CNTLN: variants seen among roughly 807,000 people sequenced by gnomAD.
CNTLN encodes the protein centlein, centrosomal protein.
Under a neutral mutation model 180.0 loss-of-function variants are expected in CNTLN, and 212 were observed. The observed-to-expected ratio is 1.18, with a 90% CI of 1.05 to 1.32. CNTLN has a LOEUF of 1.32. Ranked by LOEUF, CNTLN falls within the 40% of genes most tolerant of loss-of-function variation. CNTLN has a pLI of 0.00. For missense variants in CNTLN, 2,095 were observed against 1,610.9 expected (o/e 1.30, Z -5.14); for synonymous variants, 722 against 563.1 (o/e 1.28, Z -3.99).
intron 18 of CNTLN, among the ~76,000 whole-genome samples, chr9:17,456,514 G>A (rs1311411853): frequency 6.6e-6 from 1 of 151,846 alleles, no homozygotes; most frequent in Non-Finnish European, 1.5e-5. Flanking sequence ...TATAATTATG[G>A]TATAGTTTCT....
At chr9:17,517,579 G>T in the CNTLN span, among the ~76,000 whole-genome samples, 12 of 152,006 alleles carry the variant, frequency 7.9e-5, no homozygotes, top group Admixed American at 3.3e-4. Context: ...GAGGGAAGAG[G>T]ACCATGTGCA....
chr9:17,498,426 A>G (rs1833572399), intron 25 of CNTLN, among the ~76,000 whole-genome samples: 1 of 152,146 alleles, frequency 6.6e-6, no homozygotes, highest in Admixed American at 6.6e-5. Flanking sequence ...TTCTGTAGGT[A>G]TTTATATGTC....
chr9:17,526,787 T>C, the CNTLN span, among the ~76,000 whole-genome samples: 1 of 152,164 alleles, frequency 6.6e-6, no homozygotes, highest in Non-Finnish European at 1.5e-5. Context: ...ATAATGATTA[T>C]CATGCTTTAC....
chr9:17,234,695 C>G (rs1224386184), intron 3 of CNTLN, among the ~76,000 whole-genome samples: 1 of 151,966 alleles, frequency 6.6e-6, no homozygotes, highest in Non-Finnish European at 1.5e-5. Context: ...AAAGGTGTTT[C>G]TATCTTGATG....
chr9:17,222,348 C>A (rs540867438), intron 2 of CNTLN, among the ~76,000 whole-genome samples: 2 of 151,958 alleles, frequency 1.3e-5, no homozygotes, highest in African/African-American at 4.8e-5. Flanking sequence ...TTAGGCTCTG[C>A]GTCTCCACCC....
chr9:17,345,086 T>C (rs1477285340), intron 12 of CNTLN, among the ~76,000 whole-genome samples: 1 of 152,214 alleles, frequency 6.6e-6, no homozygotes, highest in Non-Finnish European at 1.5e-5. Flanking sequence ...TGATATTCCA[T>C]TTTATGGATG....
At chr9:17,306,055 C>G (rs1030824879) in intron 7 of CNTLN, among the ~76,000 whole-genome samples, 1 of 151,904 alleles carries the variant, frequency 6.6e-6, no homozygotes, top group African/African-American at 2.4e-5. Flanking sequence ...CACATCAAGT[C>G]AGGGCAACTT....
At chr9:17,415,115 CAT>C (rs1283956496) in intron 16 of CNTLN, among the ~76,000 whole-genome samples, 2 of 151,866 alleles carry the variant, frequency 1.3e-5, no homozygotes, top group African/African-American at 4.8e-5. Context: ...CTTAAGACCA[CAT>C]GTTTTACTAC....
intron 18 of CNTLN, among the ~76,000 whole-genome samples, chr9:17,432,972 G>T (rs1299898024): frequency 7.5e-6 from 1 of 133,610 alleles, no homozygotes; most frequent in Non-Finnish European, 1.5e-5. Context: ...AGTGAGCTGA[G>T]ATCATGCCAC....
downstream of CNTLN, among the ~76,000 whole-genome samples, chr9:17,505,884 G>A (rs759324766): frequency 6.6e-6 from 1 of 152,070 alleles, no homozygotes; most frequent in Non-Finnish European, 1.5e-5. Context: ...GTATTAAATA[G>A]CTACACTAAT....
chr9:17,264,272 T>G (rs902076155), intron 5 of CNTLN, among the ~76,000 whole-genome samples: 72 of 150,298 alleles, frequency 4.8e-4, no homozygotes, highest in African/African-American at 1.7e-3. Flanking sequence ...GGCTAGCCAG[T>G]TTTCCCAGCA....
In CNTLN at chr9:17,361,065, T is replaced by A. The variant is rs531703715; in HGVS notation, c.1887-5552T>A. 3.8e-3 allele frequency among the ~76,000 whole-genome samples: 586 copies of A among 152,336 alleles called. 4 individuals carry two copies. The highest frequency in any genetic ancestry group is 1.0e-2 in the African/African-American group (415 of 41,578). ...ATCTTCAGTTTTTTTTCCATTTTTT[T>A]AAATTATTATTATACTTTAAGTTTT... On this transcript the variant is annotated intron_variant, in intron 12 of 25. Coordinates refer to ENST00000380647, the MANE Select transcript of CNTLN (RefSeq NM_017738.4).
intron 15 of CNTLN, among the ~76,000 whole-genome samples, chr9:17,407,838 C>A (rs1175013943): frequency 6.6e-6 from 1 of 151,856 alleles, no homozygotes; most frequent in Non-Finnish European, 1.5e-5. Context: ...CAAGACTGAC[C>A]AGGGAGGCTG....
At chr9:17,473,087 A>C (rs941056636) in intron 23 of CNTLN, among the ~76,000 whole-genome samples, 29 of 152,150 alleles carry the variant, frequency 1.9e-4, no homozygotes, top group Non-Finnish European at 2.2e-4. Context: ...CCTACTTCCC[A>C]CCTGAACCCA....
At chr9:17,173,321 A>G (rs1820528219) in intron 2 of CNTLN, among the ~76,000 whole-genome samples, 1 of 152,232 alleles carries the variant, frequency 6.6e-6, no homozygotes, top group Admixed American at 6.5e-5. Flanking sequence ...AGTGTTATGA[A>G]GACAGATTTG....
At chr9:17,298,767 G>A (rs1246502862) in intron 7 of CNTLN, 1 of 987,906 alleles carries the variant, frequency 1.0e-6, no homozygotes, top group African/African-American at 1.7e-5. Context: ...AAATACAAAG[G>A]GGATTGCTGA....
intron 13 of CNTLN, among the ~76,000 whole-genome samples, chr9:17,383,585 A>T (rs1825437001): frequency 6.6e-6 from 1 of 152,176 alleles, no homozygotes; most frequent in African/African-American, 2.4e-5. Flanking sequence ...AGGAATATAG[A>T]GAAATATTAA....
chr9:17,157,007 G>A (rs1243440443), intron 2 of CNTLN, among the ~76,000 whole-genome samples: 1 of 152,192 alleles, frequency 6.6e-6, no homozygotes, highest in African/African-American at 2.4e-5. Context: ...ACTGGAGGCT[G>A]AAGTGGACGC....
intron 2 of CNTLN, among the ~76,000 whole-genome samples, chr9:17,214,496 G>T (rs59201592): frequency 0.044 from 6,712 of 151,978 alleles, 494 homozygotes; most frequent in African/African-American, 0.15. Flanking sequence ...TATTTTTTCC[G>T]TCATTTCAAC....
Sources: gnomAD v4.1 joint callset for allele counts (sites outside exome capture counted in the v4.1 genomes callset) on GRCh38, gnomAD v4.1.1 for gene constraint, MANE v1.5 for transcripts, NCBI Gene and HGNC (gene_info 2026-07-23, HGNC 2026-07-21) for gene names.